ANKS1B: variants seen among roughly 807,000 people sequenced by gnomAD.
ANKS1B encodes the protein ankyrin repeat and sterile alpha motif domain containing 1B.
A neutral mutation model predicts 148.3 loss-of-function variants in ANKS1B; 36 were observed. That is an observed-to-expected ratio of 0.24 (90% confidence interval 0.19 to 0.32). The LOEUF (loss-of-function observed/expected upper bound fraction) is 0.32, where lower values mean the gene tolerates loss of function less well. Among genes scored for constraint, ANKS1B ranks in the 10% least tolerant of loss-of-function variants. The pLI is 1.00. For missense variants in ANKS1B, 1,157 were observed against 1,542.6 expected (o/e 0.75, Z 4.19); for synonymous variants, 542 against 560.8 (o/e 0.97, Z 0.47).
chr12:99,447,893 A>G (rs757181480), intron 10 of ANKS1B, among the ~76,000 whole-genome samples: 2 of 152,140 alleles, frequency 1.3e-5, no homozygotes, highest in African/African-American at 2.4e-5. Context: ...AATCAGAACT[A>G]CAATGAAATA....
At position 99,870,594 on chromosome 12, in the gene ANKS1B, G is replaced by GT. The variant is rs1342101188; in HGVS notation, c.135-45206dup. On this transcript the variant is annotated intron_variant, in intron 1 of 26. Coordinates refer to ENST00000683438, the MANE Select transcript of ANKS1B (RefSeq NM_001352186.2). ...CTCCACAGCCTTGCCAGCATCTGTT[G>GT]TTTTTTGACTTCTTAATAACAGCCA... 2.0e-5 allele frequency among the ~76,000 whole-genome samples: 3 copies of GT among 152,166 alleles called. No individual in the cohort carries two copies. The East Asian group carries it at 5.8e-4, about 29-fold the overall frequency.
At chr12:98,958,265 T>C (rs1254622747) in intron 17 of ANKS1B, among the ~76,000 whole-genome samples, 5 of 152,244 alleles carry the variant, frequency 3.3e-5, no homozygotes, top group Admixed American at 2.0e-4. Flanking sequence ...ATTATGAATA[T>C]GCAACAGCAC....
intron 17 of ANKS1B, among the ~76,000 whole-genome samples, chr12:99,030,928 A>G (rs2099951722): frequency 6.6e-6 from 1 of 152,170 alleles, no homozygotes; most frequent in African/African-American, 2.4e-5. Context: ...CTCTTTCTGA[A>G]TCCGTCTACC....
chr12:99,011,465 T>A (rs765980733), intron 17 of ANKS1B, among the ~76,000 whole-genome samples: 1 of 152,196 alleles, frequency 6.6e-6, no homozygotes, highest in East Asian at 1.9e-4. Context: ...ATTATGGATA[T>A]AACAATTGAT....
intron 11 of ANKS1B, among the ~76,000 whole-genome samples, chr12:99,443,246 A>G (rs1045479780): frequency 6.6e-6 from 1 of 152,018 alleles, no homozygotes; most frequent in Non-Finnish European, 1.5e-5. Context: ...ATAAGAATAG[A>G]GAAGATAGAG....
intron 9 of ANKS1B, among the ~76,000 whole-genome samples, chr12:99,601,588 C>G (rs2097800580): frequency 6.6e-6 from 1 of 152,068 alleles, no homozygotes; most frequent in Non-Finnish European, 1.5e-5. Context: ...CTTCACTCAT[C>G]ATAAGGATCA....
chr12:99,931,588 A>G (rs1238352457), intron 1 of ANKS1B, among the ~76,000 whole-genome samples: 1 of 152,190 alleles, frequency 6.6e-6, no homozygotes, highest in Non-Finnish European at 1.5e-5. Flanking sequence ...GTCTATCAAA[A>G]TAAAATTAGA....
chr12:98,928,288 TAA>T (rs147263706), intron 17 of ANKS1B, among the ~76,000 whole-genome samples: 3 of 144,424 alleles, frequency 2.1e-5, no homozygotes, highest in African/African-American at 5.0e-5. Context: ...GATTCGTAAT[TAA>T]AAAAAAAAAA....
intron 15 of ANKS1B, among the ~76,000 whole-genome samples, chr12:99,102,473 C>G (rs771097458): frequency 3.4e-4 from 52 of 152,020 alleles, no homozygotes; most frequent in Non-Finnish European, 7.5e-4. Context: ...ACTGGGTGCA[C>G]TGGGTCATGC....
chr12:99,760,807 A>C (rs983613380), intron 8 of ANKS1B, among the ~76,000 whole-genome samples: 1 of 151,614 alleles, frequency 6.6e-6, no homozygotes, highest in Non-Finnish European at 1.5e-5. Context: ...CTACATTAAC[A>C]AAGAAAGAAG....
chr12:99,272,937 T>A (rs2077210538), intron 12 of ANKS1B, among the ~76,000 whole-genome samples: 1 of 152,206 alleles, frequency 6.6e-6, no homozygotes, highest in African/African-American at 2.4e-5. Flanking sequence ...TACCAATATC[T>A]CTGGATCATG....
At chr12:98,972,909 C>T (rs1484774316) in intron 17 of ANKS1B, among the ~76,000 whole-genome samples, 2 of 152,108 alleles carry the variant, frequency 1.3e-5, no homozygotes, top group East Asian at 3.9e-4. Context: ...GCTGTGTGTT[C>T]AATACTATTG....
chr12:99,894,451 G>A (rs2093297313), intron 1 of ANKS1B, among the ~76,000 whole-genome samples: 1 of 149,312 alleles, frequency 6.7e-6, no homozygotes, highest in Non-Finnish European at 1.5e-5. Context: ...CAAGGCTGCA[G>A]TGAGCCATGG....
At chr12:99,936,463 A>G (rs1382093177) in intron 1 of ANKS1B, among the ~76,000 whole-genome samples, 1 of 152,158 alleles carries the variant, frequency 6.6e-6, no homozygotes, top group Non-Finnish European at 1.5e-5. Context: ...CCTGGCCAAT[A>G]TGGCAAGACC....
At chr12:99,745,600 A>G (rs941133552) in intron 8 of ANKS1B, among the ~76,000 whole-genome samples, 2 of 152,174 alleles carry the variant, frequency 1.3e-5, no homozygotes, top group African/African-American at 4.8e-5. Flanking sequence ...AATCATTTTT[A>G]ATGGTTTATT....
chr12:99,324,666 C>T (rs2085964468), intron 12 of ANKS1B, among the ~76,000 whole-genome samples: 1 of 151,976 alleles, frequency 6.6e-6, no homozygotes, highest in Non-Finnish European at 1.5e-5. Flanking sequence ...CATTGCAGTC[C>T]CAGAAATCAC....
At chr12:99,527,902 C>G (rs182517651) in intron 9 of ANKS1B, among the ~76,000 whole-genome samples, 114 of 149,774 alleles carry the variant, frequency 7.6e-4, no homozygotes, top group Non-Finnish European at 1.4e-3. Context: ...AAAAATGGCC[C>G]AAATAGCCAA....
chr12:99,840,093 T>C (rs2085471542), intron 1 of ANKS1B, among the ~76,000 whole-genome samples: 2 of 152,136 alleles, frequency 1.3e-5, no homozygotes, highest in Non-Finnish European at 2.9e-5. Flanking sequence ...CATTCTGATT[T>C]AGTTAGACAA....
chr12:99,342,544 C>T (rs1483431365), intron 12 of ANKS1B, among the ~76,000 whole-genome samples: 1 of 151,982 alleles, frequency 6.6e-6, no homozygotes, highest in Admixed American at 6.6e-5. Flanking sequence ...AGCTGTGATG[C>T]CTTCTAAACT....
Sources: gnomAD v4.1 joint callset for allele counts (sites outside exome capture counted in the v4.1 genomes callset) on GRCh38, gnomAD v4.1.1 for gene constraint, MANE v1.5 for transcripts, NCBI Gene and HGNC (gene_info 2026-07-23, HGNC 2026-07-21) for gene names.